The following KCNN1 variants were observed in gnomAD, a reference collection of about 807,000 sequenced individuals.
The protein encoded by KCNN1 is potassium calcium-activated channel subfamily N member 1.
A neutral mutation model predicts 44.7 loss-of-function variants in KCNN1; 20 were observed. The observed-to-expected ratio is 0.45, with a 90% CI of 0.32 to 0.65. The LOEUF (loss-of-function observed/expected upper bound fraction) is 0.65. Among genes scored for constraint, KCNN1 ranks in the 30% least tolerant of loss-of-function variants. The pLI is 0.05. For synonymous variants in KCNN1, 324 were observed against 341.7 expected, an observed-to-expected ratio of 0.95 and a Z score of 0.57; for missense variants, 632 against 785.3, an observed-to-expected ratio of 0.80 and a Z score of 2.33.
chr19:17,989,806 C>T lies in KCNN1; in HGVS notation c.1261C>T (p.Arg421Trp), dbSNP rs771313394. The part of the protein sequence containing the change: ...LVKKPDQARV[R>W]KHQRKFLQAI... ...GAAGAAGCCAGACCAAGCCCGGGTT[C>T]GGAAACACCAGCGTAAGTTCCTCCA... The change falls in exon 7 of 10, where the codon CGG (arginine) becomes TGG (tryptophan). Residue 421 changes from arginine to tryptophan, a missense_variant. This residue lies in a region of KCNN1 where 237 missense variants were observed against 253.0 expected (regional missense o/e 0.94). Transcript: ENST00000684775. 10 of 1,613,832 alleles carry T rather than the reference C, an allele frequency of 6.2e-6. No individual in the cohort carries two copies. The highest frequency in any genetic ancestry group is 1.1e-5 in the South Asian group (1 of 91,086).
chr19:17,961,203 A>AG (rs1568445316), intron 2 of KCNN1, among the ~76,000 whole-genome samples: 1 of 150,228 alleles, frequency 6.7e-6, no homozygotes, highest in Non-Finnish European at 1.5e-5. Flanking sequence ...AAAAAAAAAA[A>AG]AAACCCAGAA....
At chr19:17,990,257 G>A (rs888351477) in intron 7 of KCNN1, among the ~76,000 whole-genome samples, 1 of 151,824 alleles carries the variant, frequency 6.6e-6, no homozygotes, top group Non-Finnish European at 1.5e-5. Context: ...TTGGGAGGCA[G>A]GAAGATCGCT....
intron 1 of KCNN1, among the ~76,000 whole-genome samples, chr19:17,972,834 A>G (rs1213385892): frequency 6.6e-6 from 1 of 152,224 alleles, no homozygotes; most frequent in African/African-American, 2.4e-5. Flanking sequence ...GCCCGTTGGT[A>G]GATTTCATCT....
rs2032137148 is a variant in KCNN1, at chr19:17,974,398, TA to T, written c.402+109del. On this transcript the variant is annotated intron_variant, in intron 2 of 9. Coordinates refer to ENST00000684775, the MANE Select transcript of KCNN1 (RefSeq NM_001386974.1). The surrounding 1 kb of genome is among the most constrained non-coding windows in gnomAD (Gnocchi z 7.3). ...GGGCCCCCCGGGAGATAGGGAGTGTTAGGGGGCTCCCGGAGGTGAGGGCTCC... is the reference window on the plus strand; with the variant it reads ...GGGCCCCCCGGGAGATAGGGAGTGTTGGGGGCTCCCGGAGGTGAGGGCTCC... 24 of 1,289,296 alleles carry T rather than the reference TA, an allele frequency of 1.9e-5. No homozygotes were observed. Among genetic ancestry groups the T allele is most frequent in the Non-Finnish European group, 2.4e-5 (23 of 967,580 alleles). 79.9% of individuals were successfully genotyped at this position (1,289,296 alleles called of 1,614,324 possible). A position where few individuals can be genotyped will look rare whatever the true frequency, so the allele number is the denominator to read the frequency against.
At position 17,990,693 on chromosome 19, in the gene KCNN1, G is replaced by A. The variant is rs569894977; in HGVS notation, c.1298+850G>A. On this transcript the variant is annotated intron_variant, in intron 7 of 9. Coordinates refer to ENST00000684775, the MANE Select transcript of KCNN1 (RefSeq NM_001386974.1). ...CGGACGCCTGTAGTCCCAGCTACTC[G>A]GGAGGCTGAGGCAGGAGAATGGCAT... Among the ~76,000 whole-genome samples, 4 of 151,166 alleles carry A rather than the reference G, an allele frequency of 2.6e-5. No homozygotes were observed. The East Asian group carries it at 5.8e-4, about 22-fold the overall frequency.
intron 9 of KCNN1, among the ~76,000 whole-genome samples, chr19:17,995,911 C>T (rs2032972350): frequency 6.6e-6 from 1 of 152,094 alleles, no homozygotes. Flanking sequence ...CGCCCCCTCA[C>T]CCCAAATTTA....
Position 17,981,922 on chromosome 19 carries a change from C to G in KCNN1, c.712C>G (p.Leu238Val). The G allele has an allele frequency of 6.2e-7, 1 of 1,613,318 alleles. No homozygotes were observed. Among genetic ancestry groups the G allele is most frequent in the Non-Finnish European group, 8.5e-7 (1 of 1,179,606 alleles). The part of the protein sequence containing the change: ...VLLSIPMFLR[L>V]YLLGRVMLLH... ...GCTGTCCATCCCCATGTTCCTGCGCCTCTACCTGCTGGGCCGGGTGATGCT... is the reference window on the plus strand; with the variant it reads ...GCTGTCCATCCCCATGTTCCTGCGCGTCTACCTGCTGGGCCGGGTGATGCT... Residue 238 changes from leucine to valine, a missense_variant, in exon 4 of 10, where the codon CTC becomes GTC. Leu to Val is a conservative substitution (Grantham distance 32). Coordinates refer to ENST00000684775, the MANE Select transcript of KCNN1 (RefSeq NM_001386974.1).
At chr19:17,956,540 T>G (rs1488477059) in intron 2 of KCNN1, among the ~76,000 whole-genome samples, 1 of 151,544 alleles carries the variant, frequency 6.6e-6, no homozygotes, top group Non-Finnish European at 1.5e-5. Context: ...CTCAGGAGCT[T>G]GAGACCAGCC....
At chr19:17,958,175 C>G (rs2031588847) in intron 2 of KCNN1, among the ~76,000 whole-genome samples, 1 of 151,914 alleles carries the variant, frequency 6.6e-6, no homozygotes, top group South Asian at 2.1e-4. Flanking sequence ...CACTGAGCAC[C>G]CAGAATCTGG....
chr19:17,964,333 C>A (rs6512243), upstream of KCNN1, among the ~76,000 whole-genome samples: 38,599 of 152,006 alleles, frequency 0.25, 5,586 homozygotes, highest in African/African-American at 0.38. This position sits in a 1 kb window ranked among gnomAD's most constrained non-coding sequence, Gnocchi z 4.3. Context: ...CTCCCTGCTC[C>A]GGCCACTACC....
At chr19:17,965,758 C>T (rs145040217), upstream of KCNN1, among the ~76,000 whole-genome samples, 2 of 152,214 alleles carry the variant, frequency 1.3e-5, no homozygotes, top group Admixed American at 6.5e-5. Flanking sequence ...CCTATCCAAC[C>T]CCGCCTGGTA....
intron 2 of KCNN1, among the ~76,000 whole-genome samples, chr19:17,955,735 C>A (rs1359698882): frequency 1.3e-5 from 2 of 151,676 alleles, no homozygotes. Flanking sequence ...GCCAGATGAC[C>A]TAGAAGTGGG....
intron 1 of KCNN1, among the ~76,000 whole-genome samples, chr19:17,952,760 G>T (rs1194631164): frequency 6.6e-6 from 1 of 152,032 alleles, no homozygotes; most frequent in Non-Finnish European, 1.5e-5. Context: ...GCCAGGCTGC[G>T]CAGTAGGAGG....
Position 17,990,223 on chromosome 19 carries a change from G to A in KCNN1, c.1298+380G>A, listed in dbSNP as rs541084251. ...GAAATGAATTGGGCCAGGTGCGGTG[G>A]CTCATGCCTGTAATCCCAGCACTTT... On this transcript the variant is annotated intron_variant, in intron 7 of 9. Coordinates refer to ENST00000684775, the MANE Select transcript of KCNN1 (RefSeq NM_001386974.1). 2.4e-4 allele frequency among the ~76,000 whole-genome samples: 36 copies of A among 152,260 alleles called. 1 individual carries two copies. The South Asian group carries it at 5.0e-3, about 21-fold the overall frequency.
rs780272831 is a variant in KCNN1, at chr19:17,974,066, C to G, written c.178C>G (p.Arg60Gly). Residue 60 changes from arginine (R) to glycine (G), a missense_variant, in exon 2 of 10, where the codon CGG (arginine) becomes GGG (glycine). Arg to Gly is a moderately radical substitution (Grantham distance 125, BLOSUM62 -2). Around this residue, in one of 3 missense-constraint regions of KCNN1, gnomAD observed 235 missense variants for 224.0 expected, o/e 1.05. Transcript: ENST00000684775. This position sits in a 1 kb window ranked among gnomAD's most constrained non-coding sequence, Gnocchi z 7.3. ...AGCCCGGCCCTCACCCGGCAGCCCC[C>G]GGGGGCAGCCCCAGGACCAGGACGA... is the stretch of plus-strand genomic sequence containing the variant. ...EPARPSPGSPRGQPQDQDDDE... is the reference protein window; with the variant it reads ...EPARPSPGSPGGQPQDQDDDE... 1 of 1,611,218 alleles carries G rather than the reference C, an allele frequency of 6.2e-7. No homozygotes were observed.
intron 5 of KCNN1, among the ~76,000 whole-genome samples, chr19:17,986,648 C>T (rs560669802): frequency 7.2e-5 from 11 of 152,278 alleles, no homozygotes; most frequent in African/African-American, 2.2e-4. Flanking sequence ...TGCCAACAAA[C>T]GCTTTTCCAT....
At chr19:17,961,589 T>TC (rs1436761754) in intron 2 of KCNN1, among the ~76,000 whole-genome samples, 2 of 149,626 alleles carry the variant, frequency 1.3e-5, no homozygotes, top group East Asian at 1.9e-4. Flanking sequence ...TTTCTTTCTT[T>TC]TTTTTTTTTT....
Position 17,974,852 on chromosome 19 carries a change from A to T in KCNN1, c.403-240A>T, listed in dbSNP as rs992192727. ...GTCAGCCCAGTCCCCAGGAATAAGGACAGGAGAGCACCGCTTCCTGAATAC... is the reference window on the plus strand; with the variant it reads ...GTCAGCCCAGTCCCCAGGAATAAGGTCAGGAGAGCACCGCTTCCTGAATAC... On this transcript the variant is annotated intron_variant, in intron 2 of 9. Transcript: ENST00000684775. The surrounding 1 kb of genome is among the most constrained non-coding windows in gnomAD (Gnocchi z 7.3). Among the ~76,000 whole-genome samples the T allele has an allele frequency of 6.6e-6, 1 of 152,202 alleles. No individual in the cohort carries two copies. The highest frequency in any genetic ancestry group is 1.5e-5 in the Non-Finnish European group (1 of 68,030).
upstream of KCNN1, among the ~76,000 whole-genome samples, chr19:17,964,794 G>C (rs1349393827): frequency 6.6e-6 from 1 of 152,188 alleles, no homozygotes. This position sits in a 1 kb window ranked among gnomAD's most constrained non-coding sequence, Gnocchi z 4.3. Context: ...TCCACTTCTT[G>C]ATGGGGGCAG....
Sources: gnomAD v4.1 joint callset for allele counts (sites outside exome capture counted in the v4.1 genomes callset) on GRCh38, gnomAD v4.1.1 for gene constraint, gnomAD v4.1.1 regional missense constraint, Gnocchi (gnomAD v3.1) non-coding constraint, MANE v1.5 for transcripts, NCBI Gene and HGNC (gene_info 2026-07-23, HGNC 2026-07-21) for gene names.